ATP4A: variants seen among roughly 807,000 people sequenced by gnomAD.
The protein encoded by ATP4A is potassium-transporting ATPase alpha chain 1.
ATP4A carries 73 observed loss-of-function variants against 112.1 expected under a neutral mutation model. The observed-to-expected ratio is 0.65, with a 90% CI of 0.54 to 0.79. The LOEUF (loss-of-function observed/expected upper bound fraction) is 0.79, where lower values mean the gene tolerates loss of function less well. ATP4A is among the 30% of genes least tolerant of loss of function. The pLI is 0.00. For missense variants in ATP4A, 1,081 were observed against 1,425.9 expected (o/e 0.76, Z 3.90); for synonymous variants, 588 against 588.9 (o/e 1.00, Z 0.02).
chr19:35,561,578 C>T (rs141198428), intron 4 of ATP4A, among the ~76,000 whole-genome samples: 3 of 152,078 alleles, frequency 2.0e-5, no homozygotes, highest in East Asian at 3.9e-4. Context: ...CATGACTTTT[C>T]GAGCCTCTGT....
chr19:35,560,133 G>GTGCACTGCCT lies in ATP4A; in HGVS notation c.788-61_788-60insAGGCAGTGCA. The GTGCACTGCCT allele has an allele frequency of 1.3e-6, 2 of 1,593,326 alleles. No homozygotes were observed. The highest frequency in any genetic ancestry group is 1.7e-6 in the Non-Finnish European group (2 of 1,168,674). On this transcript the variant is annotated intron_variant, in intron 6 of 21. Coordinates refer to ENST00000262623, the MANE Select transcript of ATP4A (RefSeq NM_000704.3). The surrounding 1 kb of genome is among the most constrained non-coding windows in gnomAD (Gnocchi z 5.1). ...GGGCGGCAGTGGGGTGTGCACTGCC[G>GTGCACTGCCT]TGTGAGCTGAAGGACAGCCAGTCAC...
Position 35,559,983 on chromosome 19 carries a change from G to A in ATP4A, c.878C>T (p.Thr293Ile). 6.2e-7 allele frequency: 1 copy of A among 1,614,258 alleles called. No individual in the cohort carries two copies. The highest frequency in any genetic ancestry group is 1.1e-5 in the South Asian group (1 of 91,090). Residue 293 changes from threonine (T) to isoleucine (I), a missense_variant, in exon 7 of 22, where the codon ACA becomes ATA. Thr to Ile is a moderately conservative substitution (Grantham distance 89). Around this residue, in one of 3 missense-constraint regions of ATP4A, gnomAD observed 850 missense variants for 1,068.2 expected, o/e 0.80. Coordinates refer to ENST00000262623, the MANE Select transcript of ATP4A (RefSeq NM_000704.3). The surrounding 1 kb of genome is among the most constrained non-coding windows in gnomAD (Gnocchi z 4.1). Reference sequence around the variant, plus strand: ...ATGCTCGATCTCGATAGCGATGGGTGTCTTCTCGTTTTCCACCCCCGACGC... The same window carrying A: ...ATGCTCGATCTCGATAGCGATGGGTATCTTCTCGTTTTCCACCCCCGACGC... ...SLASGVENEKTPIAIEIEHFV... is the reference protein window; with the variant it reads ...SLASGVENEKIPIAIEIEHFV...
Position 35,557,197 on chromosome 19 carries a change from C to G in ATP4A, c.1694-109G>C, listed in dbSNP as rs182207718. The G allele has an allele frequency of 1.0e-3, 1,311 of 1,287,304 alleles. 18 individuals are homozygous for G. Among genetic ancestry groups the G allele is most frequent in the Non-Finnish European group, 8.6e-5 (79 of 918,708 alleles). The allele number at this position is 1,287,304 out of a possible 1,614,324, so 79.7% of individuals were successfully genotyped here. A position where few individuals can be genotyped will look rare whatever the true frequency, so the allele number is the denominator to read the frequency against. ...CCCTTGCACCAAACACCTATGGATG[C>G]CTGACCTTGTGCTGACCCCTTCACT... On this transcript the variant is annotated intron_variant, in intron 11 of 21. Transcript: ENST00000262623. This position sits in a 1 kb window ranked among gnomAD's most constrained non-coding sequence, Gnocchi z 4.4.
Position 35,557,100 on chromosome 19 carries a change from C to T in ATP4A, c.1694-12G>A, listed in dbSNP as rs768045391. 2.5e-6 allele frequency: 4 copies of T among 1,614,000 alleles called. No individual in the cohort carries two copies. The highest frequency in any genetic ancestry group is 1.3e-5 in the African/African-American group (1 of 75,026). On this transcript the variant is annotated splice_polypyrimidine_tract_variant and intron_variant, in intron 11 of 21. Coordinates refer to ENST00000262623, the MANE Select transcript of ATP4A (RefSeq NM_000704.3). This position sits in a 1 kb window ranked among gnomAD's most constrained non-coding sequence, Gnocchi z 4.4. ...GAGCTGGCAGAAGCCTGACCGGAAA[C>T]GGGGAAGTCAGGGAAGAGCCCTGGG...
chr19:35,554,205 C>T (rs963029221), intron 16 of ATP4A, among the ~76,000 whole-genome samples: 3 of 151,550 alleles, frequency 2.0e-5, no homozygotes, highest in African/African-American at 7.3e-5. Context: ...TGTCGCCGTG[C>T]CCCTTCATCT....
chr19:35,557,969 T>G lies in ATP4A; in HGVS notation c.1501-122A>C, dbSNP rs2071642158. 7 of 822,798 alleles carry G rather than the reference T, an allele frequency of 8.5e-6. 1 individual carries two copies. The highest frequency in any genetic ancestry group is 3.7e-5 in the South Asian group (2 of 53,918). 51.0% of individuals were successfully genotyped at this position (822,798 alleles called of 1,614,324 possible). A position where few individuals can be genotyped will look rare whatever the true frequency, so the allele number is the denominator to read the frequency against. On this transcript the variant is annotated intron_variant, in intron 10 of 21. Coordinates refer to ENST00000262623, the MANE Select transcript of ATP4A (RefSeq NM_000704.3). This position sits in a 1 kb window ranked among gnomAD's most constrained non-coding sequence, Gnocchi z 4.4. ...AGAGCTCGGTGCGGGCTCTGAGAGC[T>G]GCGGGGAAGGGTGAAGGTGGAAGAT...
In ATP4A at chr19:35,553,022, C is replaced by G. The variant is rs141068186; in HGVS notation, c.2751+15G>C. 3.8e-6 allele frequency: 6 copies of G among 1,577,968 alleles called. No individual in the cohort carries two copies. The highest frequency in any genetic ancestry group is 5.2e-6 in the Non-Finnish European group (6 of 1,154,736). ...GAGGGAGCCCAGGGATGGGATGGGG[C>G]GGGGCAGGGCTCACCCACTCCTGGC... On this transcript the variant is annotated intron_variant, in intron 18 of 21. Transcript: ENST00000262623.
Position 35,555,124 on chromosome 19 carries a change from C to G in ATP4A, c.2326+42G>C. 3 of 1,613,920 alleles carry G rather than the reference C, an allele frequency of 1.9e-6. No individual in the cohort carries two copies. Among genetic ancestry groups the G allele is most frequent in the Non-Finnish European group, 2.5e-6 (3 of 1,179,912 alleles). ...CAGCCTCCTCACAGCCCTCTCCCTC[C>G]TGTGCCCACACTGCCTGCCCTCCCC... is the stretch of plus-strand genomic sequence containing the variant. On this transcript the variant is annotated intron_variant, in intron 15 of 21. Coordinates refer to ENST00000262623, the MANE Select transcript of ATP4A (RefSeq NM_000704.3). The surrounding 1 kb of genome is among the most constrained non-coding windows in gnomAD (Gnocchi z 6.6).
In ATP4A at chr19:35,559,898, G is replaced by A; in HGVS notation, c.963C>T (p.Ala321=). Residue 321 remains alanine, a synonymous_variant, in exon 7 of 22, where the codon GCC becomes GCT. Transcript: ENST00000262623. The surrounding 1 kb of genome is among the most constrained non-coding windows in gnomAD (Gnocchi z 4.1). ...GCAGGAAGGTGTAGCCAATGCACAT[G>A]GCCACAATAAAAAATGTGGCACCGA... ...ILFGATFFIV[A]MCIGYTFLRA... 6.2e-7 allele frequency: 1 copy of A among 1,614,172 alleles called. No individual in the cohort carries two copies. Among genetic ancestry groups the A allele is most frequent in the Non-Finnish European group, 8.5e-7 (1 of 1,180,018 alleles).
At position 35,560,494 on chromosome 19, in the gene ATP4A, G is replaced by C; in HGVS notation, c.656C>G (p.Ala219Gly). Residue 219 changes from alanine (A) to glycine (G), a missense_variant, in exon 6 of 22, where the codon GCC (alanine) becomes GGC (glycine). This residue lies in a region of ATP4A where 850 missense variants were observed against 1,068.2 expected (regional missense o/e 0.80). Transcript: ENST00000262623. This position sits in a 1 kb window ranked among gnomAD's most constrained non-coding sequence, Gnocchi z 5.1. ...RVPADIRILA[A>G]QGCKVDNSSL... ...GGAGTTGTCCACCTTGCAGCCCTGG[G>C]CCGCCAGGATGCGGATGTCGGCGGG... is the stretch of plus-strand genomic sequence containing the variant. The C allele has an allele frequency of 6.2e-7, 1 of 1,613,554 alleles. No individual in the cohort carries two copies. The highest frequency in any genetic ancestry group is 8.5e-7 in the Non-Finnish European group (1 of 1,180,020).
At position 35,563,592 on chromosome 19, in the gene ATP4A, A is replaced by T. The variant is rs942099207; in HGVS notation, c.12+26T>A. 20 of 1,612,920 alleles carry T rather than the reference A, an allele frequency of 1.2e-5. No homozygotes were observed. In the South Asian group the frequency reaches 2.0e-4, roughly 16 times the overall value. ...CCACTGCAACCCCTGTCCCCACTGC[A>T]CCCCGGACCCCTGGGCCCCACTCAC... On this transcript the variant is annotated intron_variant, in intron 1 of 21. Transcript: ENST00000262623.
In ATP4A at chr19:35,555,896, G is replaced by GT; in HGVS notation, c.1870-85dup. On this transcript the variant is annotated intron_variant, in intron 12 of 21. Transcript: ENST00000262623. The surrounding 1 kb of genome is among the most constrained non-coding windows in gnomAD (Gnocchi z 6.6). ...CCCTGGGAGACATCTGCTGATACAC[G>GT]TGTTCATTTACTTGACCAAGCGTGA... 6.6e-7 allele frequency: 1 copy of GT among 1,513,442 alleles called. No homozygotes were observed. 93.8% of individuals were successfully genotyped at this position (1,513,442 alleles called of 1,614,324 possible). A position where few individuals can be genotyped will look rare whatever the true frequency, so the allele number is the denominator to read the frequency against.
rs751024992 is a variant in ATP4A, at chr19:35,555,081, G to A, written c.2327-5C>T. On this transcript the variant is annotated splice_polypyrimidine_tract_variant and splice_region_variant and intron_variant, in intron 15 of 21. Transcript: ENST00000262623. The surrounding 1 kb of genome is among the most constrained non-coding windows in gnomAD (Gnocchi z 6.6). ...GGTTGTCGAAGATCAGTCGACCTGTGGGGTAGGGTGGGCACCTCAGCCTCC... is the reference window on the plus strand; with the variant it reads ...GGTTGTCGAAGATCAGTCGACCTGTAGGGTAGGGTGGGCACCTCAGCCTCC... 2.1e-5 allele frequency: 34 copies of A among 1,613,130 alleles called. No homozygotes were observed. Among genetic ancestry groups the A allele is most frequent in the Non-Finnish European group, 2.9e-5 (34 of 1,179,354 alleles).
Position 35,559,225 on chromosome 19 carries a change from C to A in ATP4A, c.1057-34G>T, listed in dbSNP as rs200661108. The A allele has an allele frequency of 1.0e-4, 168 of 1,608,664 alleles. 4 individuals are homozygous for A. In the East Asian group the frequency reaches 1.9e-3, roughly 18 times the overall value. ...GGGGTGAGCACCGCAGGCTGGGGAC[C>A]CACCCTGGCTTCCAGTCCTCTTCCC... On this transcript the variant is annotated intron_variant, in intron 7 of 21. Coordinates refer to ENST00000262623, the MANE Select transcript of ATP4A (RefSeq NM_000704.3). This position sits in a 1 kb window ranked among gnomAD's most constrained non-coding sequence, Gnocchi z 4.1.
Position 35,563,100 on chromosome 19 carries a change from C to T in ATP4A, c.216+109G>A. ...CCTCTCTCTATTTCTCCATATCTTC[C>T]TCTCTTCATCTCTCCCTCTCTCTCC... is the stretch of plus-strand genomic sequence containing the variant. On this transcript the variant is annotated intron_variant, in intron 3 of 21. Transcript: ENST00000262623. 3 of 1,244,814 alleles carry T rather than the reference C, an allele frequency of 2.4e-6. No individual in the cohort carries two copies. The South Asian group carries it at 4.0e-5, about 17-fold the overall frequency. The allele number at this position is 1,244,814 out of a possible 1,614,324, so 77.1% of individuals were successfully genotyped here.
In ATP4A at chr19:35,558,506, G is replaced by C. The variant is rs903576353; in HGVS notation, c.1366-10C>G. The C allele has an allele frequency of 6.3e-6, 10 of 1,592,332 alleles. No individual in the cohort carries two copies. In the African/African-American group the frequency reaches 1.3e-4, roughly 21 times the overall value. ...CTCCAATCACGATGCGCTGGGAGCG[G>C]GGACCGGTGTCAGGGGCGAAGCCGG... On this transcript the variant is annotated splice_polypyrimidine_tract_variant and intron_variant, in intron 9 of 21. Transcript: ENST00000262623. This position sits in a 1 kb window ranked among gnomAD's most constrained non-coding sequence, Gnocchi z 5.1.
In ATP4A at chr19:35,557,157, G is replaced by T; in HGVS notation, c.1694-69C>A. ...CTTTCTTAGCAGGGCCAGGAAATGG[G>T]TAAAATAACCAGGCCCCTTGCACCA... is the stretch of plus-strand genomic sequence containing the variant. On this transcript the variant is annotated intron_variant, in intron 11 of 21. Transcript: ENST00000262623. This position sits in a 1 kb window ranked among gnomAD's most constrained non-coding sequence, Gnocchi z 4.4. 1 of 1,566,344 alleles carries T rather than the reference G, an allele frequency of 6.4e-7. No homozygotes were observed.
intron 2 of ATP4A, 39 bp downstream of exon 2, chr19:35,563,345 C>G: frequency 6.2e-7 from 1 of 1,613,086 alleles, no homozygotes; most frequent in Non-Finnish European, 8.5e-7. Context: ...GGTTCCCAGC[C>G]TACCCTCCAG....
At position 35,550,546 on chromosome 19, in the gene ATP4A, A is replaced by G; in HGVS notation, c.*69T>C. 6.3e-7 allele frequency: 1 copy of G among 1,590,282 alleles called. No individual in the cohort carries two copies. The highest frequency in any genetic ancestry group is 8.6e-7 in the Non-Finnish European group (1 of 1,159,626). On this transcript the variant is annotated 3_prime_UTR_variant, in exon 22 of 22. Coordinates refer to ENST00000262623, the MANE Select transcript of ATP4A (RefSeq NM_000704.3). The surrounding 1 kb of genome is among the most constrained non-coding windows in gnomAD (Gnocchi z 4.1). Reference sequence around the variant, plus strand: ...TGCTCAGATATCTTGGTGGCTGTCCAGAGGGTCCCACGAGCCCTGCCCCCA... The same window carrying G: ...TGCTCAGATATCTTGGTGGCTGTCCGGAGGGTCCCACGAGCCCTGCCCCCA...
Sources: allele counts gnomAD v4.1 joint callset (sites outside exome capture counted in the v4.1 genomes callset), GRCh38; gene constraint gnomAD v4.1.1; regional missense constraint gnomAD v4.1.1; non-coding constraint Gnocchi (gnomAD v3.1); transcripts MANE v1.5; gene names NCBI Gene and HGNC (gene_info 2026-07-23, HGNC 2026-07-21).